Variants in PRMT8 observed in about 807,000 individuals in gnomAD.
PRMT8 encodes protein arginine N-methyltransferase 8.
Under a neutral mutation model 47.1 loss-of-function variants are expected in PRMT8, and 7 were observed. The ratio of observed to expected loss-of-function variants is 0.15; its 90% CI spans 0.08 to 0.28. PRMT8 has a LOEUF of 0.28. Ranked by LOEUF, PRMT8 falls within the 10% of genes least tolerant of loss-of-function variation. The probability of loss-of-function intolerance (pLI) is 1.00; values close to 1 mark genes in which losing one functional copy is unlikely to be tolerated. For synonymous variants in PRMT8, 188 were observed against 186.5 expected, an observed-to-expected ratio of 1.01 and a Z score of -0.07; for missense variants, 237 against 505.4, an observed-to-expected ratio of 0.47 and a Z score of 5.09.
At chr12:3,425,555 G>GCTCATTGC (rs1256375136) in intron 1 of PRMT8, among the ~76,000 whole-genome samples, 1 of 152,232 alleles carries the variant, frequency 6.6e-6, no homozygotes, top group African/African-American at 2.4e-5. Flanking sequence ...CTCATGAAAA[G>GCTCATTGC]CTCATTGCTG....
chr12:3,398,437 T>G (rs1864284185), intron 1 of PRMT8, among the ~76,000 whole-genome samples: 1 of 152,168 alleles, frequency 6.6e-6, no homozygotes, highest in South Asian at 2.1e-4. Context: ...TTGTGTCAAT[T>G]TAGTGTGTAG....
chr12:3,488,254 A>G (rs1446250170), upstream of PRMT8, among the ~76,000 whole-genome samples: 2 of 152,198 alleles, frequency 1.3e-5, no homozygotes, highest in African/African-American at 4.8e-5. Context: ...GTGTTCTATA[A>G]AATTTAACTC....
At chr12:3,588,169 C>T (rs1005968885) in intron 8 of PRMT8, among the ~76,000 whole-genome samples, 1 of 152,230 alleles carries the variant, frequency 6.6e-6, no homozygotes, top group Non-Finnish European at 1.5e-5. Context: ...AGTTTACTTT[C>T]TGCGCCTTGG....
chr12:3,498,452 C>A (rs912288221), intron 1 of PRMT8, among the ~76,000 whole-genome samples: 1 of 152,190 alleles, frequency 6.6e-6, no homozygotes. Context: ...TCCAGGACGT[C>A]TTTTCTTGCT....
At chr12:3,433,864 G>A (rs2007014) in intron 1 of PRMT8, among the ~76,000 whole-genome samples, 144,684 of 152,290 alleles carry the variant, frequency 0.95, 68,866 homozygotes, top group Non-Finnish European at 0.98. Flanking sequence ...TCAGCCTCCC[G>A]AAGTGCTGGG....
intron 4 of PRMT8, among the ~76,000 whole-genome samples, chr12:3,560,639 G>A (rs942252315): frequency 2.0e-5 from 3 of 152,156 alleles, no homozygotes; most frequent in Non-Finnish European, 4.4e-5. Context: ...TGTATAACCC[G>A]TTTACTTCCC....
At chr12:3,519,607 G>A (rs546935109) in intron 1 of PRMT8, among the ~76,000 whole-genome samples, 9 of 152,214 alleles carry the variant, frequency 5.9e-5, no homozygotes, top group Non-Finnish European at 1.0e-4. Context: ...ATGTGGAAGG[G>A]TAAATGGATG....
chr12:3,524,839 A>G (rs896908607), intron 1 of PRMT8, among the ~76,000 whole-genome samples: 7 of 152,134 alleles, frequency 4.6e-5, no homozygotes, highest in Non-Finnish European at 7.4e-5. Context: ...ACCATCATTG[A>G]AAGTCTCGCT....
intron 1 of PRMT8, among the ~76,000 whole-genome samples, chr12:3,509,239 T>A (rs1565426165): frequency 6.6e-6 from 1 of 152,146 alleles, no homozygotes; most frequent in African/African-American, 2.4e-5. Flanking sequence ...CTGAGTCCTC[T>A]TCCATCCCCA....
rs556894043 is a variant in PRMT8 at position 3,405,031 on chromosome 12, A to G, written c.48+23589A>G. 7.2e-5 allele frequency among the ~76,000 whole-genome samples: 11 copies of G among 152,206 alleles called. No homozygotes were observed. The South Asian group carries it at 1.0e-3, about 14-fold the overall frequency. On this transcript the variant is annotated intron_variant, in intron 1 of 9. Transcript: ENST00000452611. ...TTATGAAGTGTACTCTTCCATTTGC[A>G]TGCTTCTAATGTAGATATACCCGAG... is the stretch of plus-strand genomic sequence containing the variant.
chr12:3,545,038 C>T (rs1866303925), intron 2 of PRMT8, among the ~76,000 whole-genome samples: 1 of 152,212 alleles, frequency 6.6e-6, no homozygotes, highest in Admixed American at 6.5e-5. Flanking sequence ...CAGCTATTTC[C>T]TTGCATGGAT....
At position 3,508,510 on chromosome 12, in the gene PRMT8, G is replaced by C. The variant is rs1865666069; in HGVS notation, c.75+16810G>C. Among the ~76,000 whole-genome samples the C allele has an allele frequency of 6.6e-6, 1 of 152,182 alleles. No homozygotes were observed. Among genetic ancestry groups the C allele is most frequent in the African/African-American group, 2.4e-5 (1 of 41,440 alleles). ...CATGTTAAGGTGAGGCCGGGCGTGGGAATAGTTGAGGGAGAGTCTTGTAAA... is the reference window on the plus strand; with the variant it reads ...CATGTTAAGGTGAGGCCGGGCGTGGCAATAGTTGAGGGAGAGTCTTGTAAA... On this transcript the variant is annotated intron_variant, in intron 1 of 9. Coordinates refer to ENST00000382622, the MANE Select transcript of PRMT8 (RefSeq NM_019854.5). The surrounding 1 kb of genome is among the most constrained non-coding windows in gnomAD (Gnocchi z 4.9).
At position 3,581,984 on chromosome 12, in the gene PRMT8, A is replaced by G. The variant is rs150182359; in HGVS notation, c.829-1074A>G. ...CCTACCCTCTGGTCCCTCTCTCCTA[A>G]TTCCTACTAATAATTCCATCTTCCA... On this transcript the variant is annotated intron_variant, in intron 7 of 9. Transcript: ENST00000382622. 9.4e-4 allele frequency among the ~76,000 whole-genome samples: 143 copies of G among 152,184 alleles called. 1 individual carries two copies. The highest frequency in any genetic ancestry group is 3.3e-3 in the African/African-American group (138 of 41,512).
chr12:3,531,635 G>A (rs1282665745), intron 1 of PRMT8, among the ~76,000 whole-genome samples: 1 of 152,204 alleles, frequency 6.6e-6, no homozygotes, highest in Non-Finnish European at 1.5e-5. Context: ...AGCCAGGGCT[G>A]GCAGGAGGCG....
chr12:3,480,366 C>G (rs926766211), intron 1 of PRMT8, among the ~76,000 whole-genome samples: 3 of 152,184 alleles, frequency 2.0e-5, no homozygotes. Flanking sequence ...GTTCCAAGAA[C>G]TGGGGACAGT....
At chr12:3,574,301 AG>A (rs1222777578) in intron 6 of PRMT8, among the ~76,000 whole-genome samples, 1 of 152,230 alleles carries the variant, frequency 6.6e-6, no homozygotes, top group African/African-American at 2.4e-5. Flanking sequence ...AAGACAGTAA[AG>A]ATCATGTACC....
At chr12:3,561,041 C>G (rs1866627882) in intron 4 of PRMT8, among the ~76,000 whole-genome samples, 2 of 152,212 alleles carry the variant, frequency 1.3e-5, no homozygotes, top group South Asian at 2.1e-4. Context: ...AGTGCTCTGA[C>G]AGTAATCCTC....
At chr12:3,452,869 G>A (rs892356385) in intron 1 of PRMT8, among the ~76,000 whole-genome samples, 4 of 152,222 alleles carry the variant, frequency 2.6e-5, no homozygotes, top group Non-Finnish European at 5.9e-5. Context: ...CTGTAGGCCT[G>A]AGAAGTCAGC....
chr12:3,450,095 C>G (rs1864901613), intron 1 of PRMT8, among the ~76,000 whole-genome samples: 1 of 152,114 alleles, frequency 6.6e-6, no homozygotes, highest in African/African-American at 2.4e-5. Flanking sequence ...GAAATTACAG[C>G]CTTACATAGA....
Sources: gnomAD v4.1 joint callset for allele counts (sites outside exome capture counted in the v4.1 genomes callset) on GRCh38, gnomAD v4.1.1 for gene constraint, Gnocchi (gnomAD v3.1) non-coding constraint, MANE v1.5 for transcripts, NCBI Gene and HGNC (gene_info 2026-07-23, HGNC 2026-07-21) for gene names.